The following DNM2 variants were observed in gnomAD, a reference collection of about 807,000 sequenced individuals.
The protein encoded by DNM2 is dynamin-2.
DNM2 carries 15 observed loss-of-function variants against 99.0 expected under a neutral mutation model. That is an observed-to-expected ratio of 0.15 (90% confidence interval 0.10 to 0.23). The LOEUF is 0.23. Among genes scored for constraint, DNM2 ranks in the 10% least tolerant of loss-of-function variants. The probability of loss-of-function intolerance (pLI) is 1.00; values close to 1 mark genes in which losing one functional copy is unlikely to be tolerated. For synonymous variants in DNM2, 525 were observed against 481.2 expected (o/e 1.09, Z -1.19); for missense variants, 742 against 1,189.4 (o/e 0.62, Z 5.53).
intron 1 of DNM2, among the ~76,000 whole-genome samples, chr19:10,739,079 AG>A (rs1448445228): frequency 6.6e-6 from 1 of 152,040 alleles, no homozygotes; most frequent in East Asian, 1.9e-4. Flanking sequence ...AGGCTGAGGC[AG>A]GAGAATGGCT....
Position 10,765,115 on chromosome 19 carries a change from G to T in DNM2, c.235+5304G>T, listed in dbSNP as rs10413832. Among the ~76,000 whole-genome samples the T allele has an allele frequency of 0.014, 2,113 of 152,060 alleles. 60 individuals carry two copies. Among genetic ancestry groups the T allele is most frequent in the African/African-American group, 0.048 (1,983 of 41,472 alleles). Reference sequence around the variant, plus strand: ...TGGGACTACAGGCGCCCGCCACCTCGCCCGGCTAATTTTTTTGTATGCTTA... The same window carrying T: ...TGGGACTACAGGCGCCCGCCACCTCTCCCGGCTAATTTTTTTGTATGCTTA... On this transcript the variant is annotated intron_variant, in intron 2 of 20. Coordinates refer to ENST00000389253, the MANE Select transcript of DNM2 (RefSeq NM_001005361.3). This position sits in a 1 kb window ranked among gnomAD's most constrained non-coding sequence, Gnocchi z 4.4.
intron 7 of DNM2, among the ~76,000 whole-genome samples, chr19:10,788,437 T>G (rs1029442023): frequency 3.3e-5 from 5 of 151,974 alleles, no homozygotes; most frequent in Admixed American, 2.0e-4. Context: ...GTGCAGGGCC[T>G]TGTGGGGCCT....
chr19:10,831,359 G>T lies in DNM2; in HGVS notation c.*312G>T, dbSNP rs897308834. ...TGAATGAGGGGTCCAGCCTGGGGGG[G>T]ACTCTACCAAGGTCTTCTTGGGCTG... On this transcript the variant is annotated 3_prime_UTR_variant, in exon 21 of 21. Transcript: ENST00000389253. This position sits in a 1 kb window ranked among gnomAD's most constrained non-coding sequence, Gnocchi z 4.3. 25 of 1,145,960 alleles carry T rather than the reference G, an allele frequency of 2.2e-5. No individual in the cohort carries two copies. Among genetic ancestry groups the T allele is most frequent in the South Asian group, 1.3e-4 (4 of 29,972 alleles). The allele number at this position is 1,145,960 out of a possible 1,614,324, so 71.0% of individuals were successfully genotyped here.
intron 1 of DNM2, among the ~76,000 whole-genome samples, chr19:10,757,801 C>T (rs1032880049): frequency 6.6e-6 from 1 of 151,876 alleles, no homozygotes; most frequent in Non-Finnish European, 1.5e-5. Context: ...AAAAATTAGC[C>T]AGGCATGGTA....
chr19:10,732,665 A>T (rs1424620918), intron 1 of DNM2, among the ~76,000 whole-genome samples: 1 of 151,962 alleles, frequency 6.6e-6, no homozygotes, highest in African/African-American at 2.4e-5. Flanking sequence ...TGTCCTTTGC[A>T]TGGGAACGAC....
chr19:10,759,880 G>C, intron 2 of DNM2, 69 bp downstream of exon 2: 2 of 1,594,608 alleles, frequency 1.3e-6, no homozygotes, highest in South Asian at 2.2e-5. Flanking sequence ...AGTTGCTGGG[G>C]GCGGAGGGTG....
intron 15 of DNM2, among the ~76,000 whole-genome samples, chr19:10,815,523 C>A (rs931401548): frequency 1.3e-5 from 2 of 152,204 alleles, no homozygotes; most frequent in African/African-American, 4.8e-5. Context: ...TGGCTCACTG[C>A]ATGTGTCCCA....
intron 5 of DNM2, among the ~76,000 whole-genome samples, chr19:10,779,861 C>T (rs1258551894): frequency 1.3e-5 from 2 of 151,922 alleles, no homozygotes; most frequent in African/African-American, 4.8e-5. Flanking sequence ...ACCATGTTGG[C>T]TAGGCTGGTC....
At chr19:10,805,837 G>T in intron 12 of DNM2, 79 bp from the exon 13 acceptor site, 1 of 1,592,318 alleles carries the variant, frequency 6.3e-7, no homozygotes, top group Non-Finnish European at 8.6e-7. Flanking sequence ...CCCAGGGAGA[G>T]AACGGCCACA....
At chr19:10,748,093 C>T (rs1226370904) in intron 1 of DNM2, among the ~76,000 whole-genome samples, 1 of 151,996 alleles carries the variant, frequency 6.6e-6, no homozygotes, top group Non-Finnish European at 1.5e-5. Flanking sequence ...TCGTGCAGGG[C>T]TTGGGGGGCT....
At chr19:10,814,656 C>T (rs1365508742) in intron 15 of DNM2, among the ~76,000 whole-genome samples, 5 of 152,174 alleles carry the variant, frequency 3.3e-5, no homozygotes, top group Non-Finnish European at 1.5e-5. Context: ...TACTCTCCAC[C>T]TCTGTGAGAT....
In DNM2 at chr19:10,826,947, G is replaced by A. The variant is rs555903080; in HGVS notation, c.2058+1726G>A. ...CAACCACAGAAACCTGCGGATCTAA[G>A]TAAAACTCCCACACAGGGTGTGGCT... On this transcript the variant is annotated intron_variant, in intron 18 of 20. Transcript: ENST00000389253. 3.3e-5 allele frequency among the ~76,000 whole-genome samples: 5 copies of A among 151,896 alleles called. No individual in the cohort carries two copies. The South Asian group carries it at 1.0e-3, about 32-fold the overall frequency.
At position 10,811,548 on chromosome 19, in the gene DNM2, T is replaced by C; in HGVS notation, c.1558-716T>C. 2.6e-6 allele frequency: 1 copy of C among 377,606 alleles called. No homozygotes were observed. The highest frequency in any genetic ancestry group is 1.9e-5 in the South Asian group (1 of 52,074). 23.4% of individuals were successfully genotyped at this position (377,606 alleles called of 1,614,324 possible). A position where few individuals can be genotyped will look rare whatever the true frequency, so the allele number is the denominator to read the frequency against. On this transcript the variant is annotated intron_variant, in intron 14 of 20. Transcript: ENST00000389253. The surrounding 1 kb of genome is among the most constrained non-coding windows in gnomAD (Gnocchi z 5.4). ...AGGCCGCCCTGTGCGTGCCTCCGTG[T>C]GCTTCCTGCAGCTCCCAGGGCCCTC...
intron 13 of DNM2, 129 bp from the exon 14 acceptor site, chr19:10,808,440 C>G: frequency 1.0e-6 from 1 of 952,516 alleles, no homozygotes; most frequent in Non-Finnish European, 1.5e-6. Context: ...GTTTTTTCCC[C>G]TGCTCTTCTC....
At chr19:10,743,809 CAAAAAAA>C (rs35999203) in intron 1 of DNM2, among the ~76,000 whole-genome samples, 36 of 32,656 alleles carry the variant, frequency 1.1e-3, no homozygotes, top group African/African-American at 3.4e-3. Flanking sequence ...GACTCTGTCT[CAAAAAAA>C]AAAAAAAAAA....
intron 1 of DNM2, among the ~76,000 whole-genome samples, chr19:10,736,537 T>C (rs2069532760): frequency 6.6e-6 from 1 of 152,232 alleles, no homozygotes; most frequent in Non-Finnish European, 1.5e-5. Context: ...TATTTTAGAA[T>C]CAGCTTGTTG....
At chr19:10,752,432 G>T (rs1281132387) in intron 1 of DNM2, among the ~76,000 whole-genome samples, 1 of 152,218 alleles carries the variant, frequency 6.6e-6, no homozygotes, top group Non-Finnish European at 1.5e-5. Flanking sequence ...TGAGCTGGGC[G>T]CTGGTGGCGT....
Position 10,718,350 on chromosome 19 carries a change from A to C in DNM2, c.108A>C (p.Val36=). 6.6e-7 allele frequency: 1 copy of C among 1,522,006 alleles called. No individual in the cohort carries two copies. The highest frequency in any genetic ancestry group is 8.8e-7 in the Non-Finnish European group (1 of 1,137,022). The allele number at this position is 1,522,006 out of a possible 1,614,324, so 94.3% of individuals were successfully genotyped here. Reference sequence around the variant, plus strand: ...ACCTGGACCTGCCGCAGATCGCTGTAGTGGGCGGCCAGAGCGCCGGCAAGA... The same window carrying C: ...ACCTGGACCTGCCGCAGATCGCTGTCGTGGGCGGCCAGAGCGCCGGCAAGA... ...SCHLDLPQIA[V]VGGQSAGKSS... The change falls in exon 1 of 21, where the codon GTA becomes GTC. Residue 36 remains valine (V), a synonymous_variant. Coordinates refer to ENST00000389253, the MANE Select transcript of DNM2 (RefSeq NM_001005361.3).
At chr19:10,726,630 C>G (rs2069125079) in intron 1 of DNM2, among the ~76,000 whole-genome samples, 1 of 152,024 alleles carries the variant, frequency 6.6e-6, no homozygotes, top group South Asian at 2.1e-4. Context: ...AGAAAAAATG[C>G]CCAGCATCGG....
Sources: allele counts gnomAD v4.1 joint callset (sites outside exome capture counted in the v4.1 genomes callset), GRCh38; gene constraint gnomAD v4.1.1; non-coding constraint Gnocchi (gnomAD v3.1); transcripts MANE v1.5; gene names NCBI Gene and HGNC (gene_info 2026-07-23, HGNC 2026-07-21).